The following TG variants were observed in gnomAD, a reference collection of about 807,000 sequenced individuals.
TG encodes thyroid hormones.
TG carries 270 observed loss-of-function variants against 324.7 expected under a neutral mutation model. The ratio of observed to expected loss-of-function variants is 0.83; its 90% CI spans 0.75 to 0.92. The LOEUF is 0.92. Among genes scored for constraint, TG ranks in the 40% least tolerant of loss-of-function variants. The probability of loss-of-function intolerance (pLI) is 0.00; values close to 1 mark genes in which losing one functional copy is unlikely to be tolerated. For synonymous variants in TG, 1,401 were observed against 1,327.0 expected, an observed-to-expected ratio of 1.06 and a Z score of -1.21; for missense variants, 3,591 against 3,456.4, an observed-to-expected ratio of 1.04 and a Z score of -0.98.
intron 18 of TG, 33 bp downstream of exon 18, chr8:132,908,373 T>C (rs763394708): frequency 2.6e-6 from 4 of 1,513,544 alleles, no homozygotes; most frequent in African/African-American, 1.6e-5. Flanking sequence ...AGTGAGGGCT[T>C]GGACTCAACT....
At chr8:133,088,263 C>T (rs560821808) in intron 41 of TG, among the ~76,000 whole-genome samples, 1 of 152,244 alleles carries the variant, frequency 6.6e-6, no homozygotes, top group Admixed American at 6.5e-5. Flanking sequence ...CCTGCTCCTC[C>T]TCCTCCTCCT....
chr8:133,016,515 G>A (rs192977942), intron 37 of TG, among the ~76,000 whole-genome samples: 3 of 152,146 alleles, frequency 2.0e-5, no homozygotes, highest in Admixed American at 1.3e-4. Context: ...CTGTCTGCAG[G>A]TCTATCTGCC....
chr8:133,007,363 G>T (rs977216029), intron 35 of TG, among the ~76,000 whole-genome samples: 5 of 152,068 alleles, frequency 3.3e-5, no homozygotes, highest in Non-Finnish European at 7.4e-5. Context: ...TCCATTGAGT[G>T]TGTAGATCAA....
rs1297792903 is a variant in TG, at chr8:132,967,923, GCAGACTGATCCTGCCT to G, written c.5821_5836del (p.Leu1941CysfsTer16). 2 of 1,613,814 alleles carry G rather than the reference GCAGACTGATCCTGCCT, an allele frequency of 1.2e-6. No homozygotes were observed. Among genetic ancestry groups the G allele is most frequent in the Non-Finnish European group, 1.7e-6 (2 of 1,179,914 alleles). ...ATCATGGAGTCCAATGCCCAGGGCT[GCAGACTGATCCTGCCT>G]CAGATGCCAAAGGCCCTGTTCCGGA... On this transcript the variant is annotated frameshift_variant, in exon 31 of 48. Transcript: ENST00000220616. LOFTEE classifies it high-confidence loss of function.
chr8:133,078,297 A>T (rs2739163), intron 41 of TG, among the ~76,000 whole-genome samples: 27,623 of 152,094 alleles, frequency 0.18, 2,664 homozygotes, highest in South Asian at 0.21. Context: ...TGCTGTCAAG[A>T]ACTGGGGTGG....
chr8:132,893,538 TG>T, intron 10 of TG, 151 bp from the exon 11 acceptor site: 1 of 881,892 alleles, frequency 1.1e-6, no homozygotes, highest in East Asian at 3.1e-5. Context: ...TGTATGTGTG[TG>T]GTGTAGGGGG....
At chr8:133,102,885 G>A (rs1485339358) in intron 43 of TG, 2 of 332,264 alleles carry the variant, frequency 6.0e-6, no homozygotes, top group African/African-American at 2.1e-5. Flanking sequence ...CTGGGAGCAG[G>A]TGGAGTGGGG....
At chr8:133,068,391 G>A (rs945304197) in intron 41 of TG, among the ~76,000 whole-genome samples, 2 of 152,232 alleles carry the variant, frequency 1.3e-5, no homozygotes, top group Non-Finnish European at 2.9e-5. Context: ...AAGACCAGAA[G>A]GGGATGGAGG....
rs115335905 is a variant in TG at position 133,133,780 on chromosome 8, C to T, written c.8188+120C>T. 48 of 1,122,574 alleles carry T rather than the reference C, an allele frequency of 4.3e-5. 1 individual carries two copies. In the African/African-American group the frequency reaches 7.1e-4, roughly 17 times the overall value. 69.5% of individuals were successfully genotyped at this position (1,122,574 alleles called of 1,614,324 possible). ...GCCAAGGGGTCACCAGTGCCAATGG[C>T]ACAGCCCCTTCCTGTGAGTTGTTCA... On this transcript the variant is annotated intron_variant, in intron 47 of 47. Coordinates refer to ENST00000220616, the MANE Select transcript of TG (RefSeq NM_003235.5).
At chr8:132,947,462 A>C (rs771900655) in intron 26 of TG, among the ~76,000 whole-genome samples, 13 of 152,214 alleles carry the variant, frequency 8.5e-5, no homozygotes, top group Non-Finnish European at 1.6e-4. Flanking sequence ...GCAGTTTAAC[A>C]GTGGCCAGCA....
At chr8:133,017,394 G>A (rs973624469) in intron 37 of TG, among the ~76,000 whole-genome samples, 5 of 151,388 alleles carry the variant, frequency 3.3e-5, no homozygotes, top group Admixed American at 3.3e-4. Context: ...CAGAAATGTT[G>A]GCTGTGTTTA....
In TG at chr8:132,963,201, T is replaced by G. The variant is rs1409835190; in HGVS notation, c.5548+127T>G. ...CTATTCTGTATCCATGGACTCTCCT[T>G]TAATCTTTTAACCCAATTATCCAGC... is the stretch of plus-strand genomic sequence containing the variant. On this transcript the variant is annotated intron_variant, in intron 29 of 47. Transcript: ENST00000220616. The G allele has an allele frequency of 8.6e-6, 8 of 925,928 alleles. No individual in the cohort carries two copies. In the Admixed American group the frequency reaches 1.3e-4, roughly 15 times the overall value. The allele number at this position is 925,928 out of a possible 1,614,324, so 57.4% of individuals were successfully genotyped here. A position where few individuals can be genotyped will look rare whatever the true frequency, so the allele number is the denominator to read the frequency against.
At chr8:133,009,600 A>G (rs151102836) in intron 35 of TG, among the ~76,000 whole-genome samples, 1 of 151,928 alleles carries the variant, frequency 6.6e-6, no homozygotes, top group Non-Finnish European at 1.5e-5. Flanking sequence ...TCAAATTTGT[A>G]TGTTGAAACC....
intron 41 of TG, among the ~76,000 whole-genome samples, chr8:133,034,416 G>A (rs1836898478): frequency 1.3e-5 from 2 of 151,984 alleles, no homozygotes; most frequent in Non-Finnish European, 2.9e-5. Context: ...CTTTTCTATT[G>A]TATTTTCCAG....
rs1281844259 is a variant in TG, at chr8:132,900,298, C to T, written c.3392C>T (p.Ser1131Leu). ...GAGTWCVDPASGEELRPGSSS... is the reference protein window; with the variant it reads ...GAGTWCVDPALGEELRPGSSS... ...GGCACCTGGTGTGTGGACCCTGCATCAGGAGAAGAGTTGCGGCCTGGCTCG... is the reference window on the plus strand; with the variant it reads ...GGCACCTGGTGTGTGGACCCTGCATTAGGAGAAGAGTTGCGGCCTGGCTCG... Residue 1131 changes from serine (S) to leucine (L), a missense_variant, in exon 15 of 48, where the codon TCA (serine) becomes TTA (leucine). By Grantham distance (145) the Ser-to-Leu change is moderately radical (BLOSUM62 -2). Coordinates refer to ENST00000220616, the MANE Select transcript of TG (RefSeq NM_003235.5). 1.2e-6 allele frequency: 2 copies of T among 1,613,930 alleles called. No individual in the cohort carries two copies. The highest frequency in any genetic ancestry group is 1.7e-6 in the Non-Finnish European group (2 of 1,180,002).
At chr8:132,995,022 G>A (rs1227445456) in intron 35 of TG, 14 of 965,538 alleles carry the variant, frequency 1.4e-5, no homozygotes, top group South Asian at 1.0e-4. Flanking sequence ...ATGCTGTAGC[G>A]TGTGATTTTT....
chr8:133,002,426 G>A (rs911108291), intron 35 of TG: 43 of 984,746 alleles, frequency 4.4e-5, no homozygotes, highest in Non-Finnish European at 4.9e-5. Context: ...TCAATAAGCC[G>A]CCTCACATCT....
At chr8:132,981,272 C>T (rs1445918464) in intron 34 of TG, among the ~76,000 whole-genome samples, 1 of 152,234 alleles carries the variant, frequency 6.6e-6, no homozygotes, top group Non-Finnish European at 1.5e-5. Flanking sequence ...CCACCATTCT[C>T]ATAGTGTTCA....
At chr8:133,074,800 A>G (rs1208014264) in intron 41 of TG, 4 of 954,520 alleles carry the variant, frequency 4.2e-6, no homozygotes, top group Non-Finnish European at 5.0e-6. Context: ...TGCGTGTTGA[A>G]GAGGCCCTGA....
Sources: gnomAD v4.1 joint callset for allele counts (sites outside exome capture counted in the v4.1 genomes callset) on GRCh38, gnomAD v4.1.1 for gene constraint, MANE v1.5 for transcripts, NCBI Gene and HGNC (gene_info 2026-07-23, HGNC 2026-07-21) for gene names.